LSAMP: variants seen among roughly 807,000 people sequenced by gnomAD.
LSAMP encodes limbic system-associated membrane protein.
LSAMP carries 7 observed loss-of-function variants against 38.6 expected under a neutral mutation model. That is an observed-to-expected ratio of 0.18 (90% CI 0.10 to 0.34). The LOEUF is 0.34. Among genes scored for constraint, LSAMP ranks in the 10% least tolerant of loss-of-function variants. LSAMP has a pLI of 1.00. For synonymous variants in LSAMP, 154 were observed against 166.8 expected (o/e 0.92, Z 0.59); for missense variants, 313 against 420.0 (o/e 0.75, Z 2.23).
intron 1 of LSAMP, among the ~76,000 whole-genome samples, chr3:116,215,505 G>A (rs547107622): frequency 2.6e-5 from 4 of 152,120 alleles, no homozygotes; most frequent in East Asian, 1.9e-4. Flanking sequence ...GGTGGAGGCC[G>A]CTTATTGAAA....
intron 1 of LSAMP, among the ~76,000 whole-genome samples, chr3:116,125,561 C>T (rs1451428276): frequency 2.0e-5 from 3 of 152,042 alleles, no homozygotes; most frequent in African/African-American, 7.3e-5. Flanking sequence ...TTTGACTTCC[C>T]TCAACTTGAC....
At position 116,445,131 on chromosome 3, in the gene LSAMP, G is replaced by T; in HGVS notation, c.-100C>A. The T allele has an allele frequency of 8.0e-7, 1 of 1,255,582 alleles. No homozygotes were observed. The highest frequency in any genetic ancestry group is 1.1e-6 in the Non-Finnish European group (1 of 910,318). 77.8% of individuals were successfully genotyped at this position (1,255,582 alleles called of 1,614,324 possible). On this transcript the variant is annotated 5_prime_UTR_variant, in exon 1 of 7. Transcript: ENST00000490035. ...AACACGGGGCTTTCATCCACAGCGAGCGCAGAGCGGGCTTTGCCAGTTTAT... is the reference window on the plus strand; with the variant it reads ...AACACGGGGCTTTCATCCACAGCGATCGCAGAGCGGGCTTTGCCAGTTTAT...
chr3:115,826,921 G>A (rs1463766327), intron 6 of LSAMP, among the ~76,000 whole-genome samples: 1 of 149,654 alleles, frequency 6.7e-6, no homozygotes, highest in East Asian at 1.9e-4. Context: ...ATCTCCCAAC[G>A]GAAGACCAGC....
chr3:116,167,061 G>A (rs1199006192), intron 1 of LSAMP, among the ~76,000 whole-genome samples: 1 of 152,038 alleles, frequency 6.6e-6, no homozygotes, highest in Non-Finnish European at 1.5e-5. Context: ...AAAGTGCTGG[G>A]ATTACAGGCG....
At chr3:116,072,478 A>T (rs1045123337) in intron 2 of LSAMP, among the ~76,000 whole-genome samples, 1 of 152,144 alleles carries the variant, frequency 6.6e-6, no homozygotes, top group Admixed American at 6.5e-5. Context: ...GAATTGCCAC[A>T]CTTTCACAGT....
intron 6 of LSAMP, among the ~76,000 whole-genome samples, chr3:115,818,790 TTATATATATATATATATA>T (rs66654115): frequency 2.4e-4 from 17 of 69,786 alleles, no homozygotes; most frequent in South Asian, 2.3e-3. Flanking sequence ...AGTTGTACTT[TTATATATATATATATATA>T]TATATATATA....
Position 116,418,318 on chromosome 3 carries a change from A to G in LSAMP, c.155+26559T>C, listed in dbSNP as rs895044711. Among the ~76,000 whole-genome samples the G allele has an allele frequency of 3.9e-5, 6 of 152,310 alleles. No individual in the cohort carries two copies. The East Asian group carries it at 1.2e-3, about 29-fold the overall frequency. On this transcript the variant is annotated intron_variant, in intron 1 of 6. Transcript: ENST00000490035. ...GATATTTCAATGTCATCTCAAACTCAGCATGTGTAAAAACCCAATTTGTCA... is the reference window on the plus strand; with the variant it reads ...GATATTTCAATGTCATCTCAAACTCGGCATGTGTAAAAACCCAATTTGTCA...
chr3:116,310,218 T>A (rs2047538375), intron 1 of LSAMP, among the ~76,000 whole-genome samples: 3 of 152,174 alleles, frequency 2.0e-5, no homozygotes, highest in Admixed American at 2.0e-4. Context: ...CATCTTAAGG[T>A]CAGACTGTAA....
chr3:116,314,213 A>G (rs907568987), intron 1 of LSAMP, among the ~76,000 whole-genome samples: 31 of 152,208 alleles, frequency 2.0e-4, no homozygotes, highest in African/African-American at 6.8e-4. Context: ...ATTGAGTCCA[A>G]CATCTAATAA....
At chr3:115,866,953 AC>A (rs1935878702) in intron 3 of LSAMP, among the ~76,000 whole-genome samples, 2 of 152,000 alleles carry the variant, frequency 1.3e-5, no homozygotes, top group Admixed American at 1.3e-4. Context: ...CAGAATGGGT[AC>A]TTGTGGGAAT....
intron 2 of LSAMP, among the ~76,000 whole-genome samples, chr3:116,046,916 G>T (rs934539911): frequency 6.6e-6 from 1 of 152,030 alleles, no homozygotes; most frequent in Admixed American, 6.6e-5. Flanking sequence ...TATTCCAGGG[G>T]CTCACTCATA....
chr3:116,028,552 A>G (rs1238724233), intron 2 of LSAMP, among the ~76,000 whole-genome samples: 1 of 152,208 alleles, frequency 6.6e-6, no homozygotes, highest in East Asian at 1.9e-4. Context: ...AATTGGAGGT[A>G]CAAGGTTGGC....
intron 1 of LSAMP, among the ~76,000 whole-genome samples, chr3:116,241,208 ATTT>A (rs369541950): frequency 6.6e-4 from 95 of 143,228 alleles, no homozygotes; most frequent in African/African-American, 2.3e-3. Context: ...AGATATTCCC[ATTT>A]TTTTTTTCTC....
intron 1 of LSAMP, among the ~76,000 whole-genome samples, chr3:116,426,448 C>T (rs56887971): frequency 7.5e-5 from 8 of 107,348 alleles, no homozygotes; most frequent in Admixed American, 1.3e-4. Flanking sequence ...GCAATAAAGG[C>T]GAAACTCCGT....
chr3:115,890,636 C>T (rs557132466), intron 3 of LSAMP, among the ~76,000 whole-genome samples: 1 of 152,006 alleles, frequency 6.6e-6, no homozygotes, highest in South Asian at 2.1e-4. Flanking sequence ...TCCTACTCTT[C>T]GCCTGTTTCT....
At chr3:116,316,125 C>A (rs1312258610) in intron 1 of LSAMP, among the ~76,000 whole-genome samples, 1 of 152,104 alleles carries the variant, frequency 6.6e-6, no homozygotes. Context: ...TAGAGAGAAA[C>A]AGGTGAAAAA....
chr3:116,136,809 C>A (rs1463807846), intron 1 of LSAMP, among the ~76,000 whole-genome samples: 1 of 151,982 alleles, frequency 6.6e-6, no homozygotes, highest in Non-Finnish European at 1.5e-5. Context: ...GCTATGGTAC[C>A]AAGTAAGAAT....
chr3:116,197,163 A>ACACACACACACACACACACTCTCTCT (rs1268040540), intron 1 of LSAMP, among the ~76,000 whole-genome samples: 9 of 139,088 alleles, frequency 6.5e-5, no homozygotes, highest in African/African-American at 2.1e-4. Flanking sequence ...ACACACACAC[A>ACACACACACACACACACACTCTCTCT]CTCTCTCTCT....
chr3:116,284,316 T>A (rs144130517), intron 1 of LSAMP, among the ~76,000 whole-genome samples: 2 of 152,318 alleles, frequency 1.3e-5, no homozygotes, highest in African/African-American at 2.4e-5. Flanking sequence ...ATAATGTTTT[T>A]AAAAATATAT....
Sources: gnomAD v4.1 joint callset for allele counts (sites outside exome capture counted in the v4.1 genomes callset) on GRCh38, gnomAD v4.1.1 for gene constraint, MANE v1.5 for transcripts, NCBI Gene and HGNC (gene_info 2026-07-23, HGNC 2026-07-21) for gene names.